ADCY9: variants seen among roughly 807,000 people sequenced by gnomAD.
ADCY9 encodes the protein adenylate cyclase type 9.
ADCY9 carries 50 observed loss-of-function variants against 101.5 expected under a neutral mutation model. That is an observed-to-expected ratio of 0.49 (90% CI 0.39 to 0.62). The LOEUF is 0.62. ADCY9 is among the 20% of genes least tolerant of loss of function. The probability of loss-of-function intolerance (pLI) is 0.00; values close to 1 mark genes in which losing one functional copy is unlikely to be tolerated. For synonymous variants in ADCY9, 905 were observed against 769.3 expected (o/e 1.18, Z -2.92); for missense variants, 1,662 against 1,800.4 (o/e 0.92, Z 1.39).
chr16:4,093,865 A>G (rs891188872), intron 2 of ADCY9, among the ~76,000 whole-genome samples: 1 of 152,242 alleles, frequency 6.6e-6, no homozygotes, highest in Non-Finnish European at 1.5e-5. Context: ...TCCACACACC[A>G]TAGGCAGTGG....
downstream of ADCY9, among the ~76,000 whole-genome samples, chr16:3,959,106 A>C (rs1342406602): frequency 6.6e-6 from 1 of 152,112 alleles, no homozygotes; most frequent in Non-Finnish European, 1.5e-5. Flanking sequence ...CACATCTGTA[A>C]TCCCAGCACT....
rs370371319 is a variant in ADCY9 at position 4,047,932 on chromosome 16, C to CTGG, written c.1694-40377_1694-40375dup. On this transcript the variant is annotated intron_variant, in intron 2 of 10. Transcript: ENST00000294016. ...CCTTACCCAGGTAGCCACGAAGCAT[C>CTGG]TGGTGACTGAGGCCTGGGAGTGAGC... Among the ~76,000 whole-genome samples, 85 of 152,336 alleles carry CTGG rather than the reference C, an allele frequency of 5.6e-4. 1 individual carries two copies. Among genetic ancestry groups the CTGG allele is most frequent in the African/African-American group, 1.9e-3 (81 of 41,574 alleles).
At chr16:3,959,115 C>A (rs1395886233), downstream of ADCY9, among the ~76,000 whole-genome samples, 2 of 152,112 alleles carry the variant, frequency 1.3e-5, no homozygotes, top group Non-Finnish European at 2.9e-5. Flanking sequence ...AATCCCAGCA[C>A]TTTGGGAGGC....
rs1387907401 is a variant in ADCY9 at position 3,975,506 on chromosome 16, C to T, written c.2829-796G>A. Among the ~76,000 whole-genome samples, 5 of 152,176 alleles carry T rather than the reference C, an allele frequency of 3.3e-5. No individual in the cohort carries two copies. In the East Asian group the frequency reaches 9.6e-4, roughly 29 times the overall value. On this transcript the variant is annotated intron_variant, in intron 9 of 10. Coordinates refer to ENST00000294016, the MANE Select transcript of ADCY9 (RefSeq NM_001116.4). ...CCGTGCCTACTCCGTCTGATACTGA[C>T]AATACTGCGGCAAATAGAATCATTT...
At chr16:4,086,169 AT>A (rs149530679) in intron 2 of ADCY9, among the ~76,000 whole-genome samples, 2,805 of 151,980 alleles carry the variant, frequency 0.018, 112 homozygotes, top group African/African-American at 0.064. Context: ...GAGAAAAAAA[AT>A]CAAGTGCTGC....
chr16:3,996,403 T>G (rs1719484306), intron 3 of ADCY9, among the ~76,000 whole-genome samples: 1 of 152,154 alleles, frequency 6.6e-6, no homozygotes, highest in African/African-American at 2.4e-5. Flanking sequence ...TATTTGCCAA[T>G]GAGACCACTG....
chr16:4,081,510 C>T (rs916676918), intron 2 of ADCY9, among the ~76,000 whole-genome samples: 3 of 152,234 alleles, frequency 2.0e-5, no homozygotes, highest in African/African-American at 7.2e-5. Flanking sequence ...AGACTCTTAA[C>T]AGGTGACTAT....
intron 2 of ADCY9, among the ~76,000 whole-genome samples, chr16:4,097,655 T>C (rs574298418): frequency 6.7e-6 from 1 of 148,154 alleles, no homozygotes; most frequent in East Asian, 2.1e-4. Flanking sequence ...CAAGAGATTC[T>C]CCTGCCTCAG....
At chr16:3,967,047 G>C (rs2056005632) in intron 10 of ADCY9, 81 bp from the exon 11 acceptor site, 1 of 1,190,302 alleles carries the variant, frequency 8.4e-7, no homozygotes, top group African/African-American at 1.5e-5. Flanking sequence ...GCTACGCAAA[G>C]CTTTGTTGAG....
chr16:4,072,000 T>C lies in ADCY9; in HGVS notation c.1693+41750A>G, dbSNP rs374649026. 2.6e-5 allele frequency among the ~76,000 whole-genome samples: 4 copies of C among 152,260 alleles called. No individual in the cohort carries two copies. The East Asian group carries it at 5.8e-4, about 22-fold the overall frequency. ...TCTCTGTGTGCACAGAATTCTACTA[T>C]CCGAGTGATCGATGTTATATATCTC... On this transcript the variant is annotated intron_variant, in intron 2 of 10. Transcript: ENST00000294016.
intron 2 of ADCY9, among the ~76,000 whole-genome samples, chr16:4,043,270 G>A (rs529084671): frequency 1.2e-3 from 176 of 152,046 alleles, no homozygotes; most frequent in African/African-American, 4.2e-3. Context: ...TTCCCTGTGG[G>A]GTTGCTTTAA....
At chr16:3,970,591 G>A (rs2056042487) in intron 10 of ADCY9, among the ~76,000 whole-genome samples, 1 of 152,198 alleles carries the variant, frequency 6.6e-6, no homozygotes, top group South Asian at 2.1e-4. Flanking sequence ...GCCTCCCAAA[G>A]TGCTGGGATT....
chr16:3,992,268 G>T lies in ADCY9; in HGVS notation c.2085C>A (p.Ile695=). Residue 695 remains isoleucine (I), a synonymous_variant, in exon 5 of 11, where the codon ATC becomes ATA. Coordinates refer to ENST00000294016, the MANE Select transcript of ADCY9 (RefSeq NM_001116.4). The surrounding 1 kb of genome is among the most constrained non-coding windows in gnomAD (Gnocchi z 4.2). The part of the protein sequence containing the change: ...LTNSQTSLCE[I]LQEKGRWAGV... ...CTGCCCACCTTCCCTTCTCCTGCAA[G>T]ATCTCACACAGAGAAGTCTGACTGT... The T allele has an allele frequency of 2.5e-6, 4 of 1,614,192 alleles. No individual in the cohort carries two copies. Among genetic ancestry groups the T allele is most frequent in the Non-Finnish European group, 3.4e-6 (4 of 1,180,036 alleles).
chr16:4,090,912 C>T (rs113972726), intron 2 of ADCY9, among the ~76,000 whole-genome samples: 2 of 151,566 alleles, frequency 1.3e-5, no homozygotes, highest in Admixed American at 1.3e-4. Context: ...AAAACTATTC[C>T]GAATGGTAGT....
Position 4,048,435 on chromosome 16 carries a change from C to G in ADCY9, c.1694-40877G>C, listed in dbSNP as rs576316259. 7.2e-5 allele frequency among the ~76,000 whole-genome samples: 11 copies of G among 152,292 alleles called. No homozygotes were observed. In the South Asian group the frequency reaches 2.3e-3, roughly 32 times the overall value. The stretch of plus-strand genomic sequence containing the variant: ...TCTCCCCCTTCTGTGGTTTATATAA[C>G]TTCTCTTTGTTCCGCAAATGGCAGT... On this transcript the variant is annotated intron_variant, in intron 2 of 10. Coordinates refer to ENST00000294016, the MANE Select transcript of ADCY9 (RefSeq NM_001116.4).
intron 7 of ADCY9, among the ~76,000 whole-genome samples, chr16:3,980,768 C>A (rs2056134719): frequency 6.6e-6 from 1 of 152,174 alleles, no homozygotes; most frequent in Non-Finnish European, 1.5e-5. Flanking sequence ...CACAAATATG[C>A]AGAATACAGA....
intron 7 of ADCY9, among the ~76,000 whole-genome samples, chr16:3,980,780 G>A (rs548853729): frequency 1.1e-4 from 16 of 152,320 alleles, no homozygotes; most frequent in African/African-American, 3.8e-4. Flanking sequence ...GAATACAGAG[G>A]CCCTAGGAGG....
chr16:4,087,904 CCTTT>C lies in ADCY9; in HGVS notation c.1693+25842_1693+25845del, dbSNP rs1234410811. On this transcript the variant is annotated intron_variant, in intron 2 of 10. Coordinates refer to ENST00000294016, the MANE Select transcript of ADCY9 (RefSeq NM_001116.4). Reference sequence around the variant, plus strand: ...CTCTCGCTCTCTCCCTCTCTTTCTCCCTTTCTTTCGTTTCTTTCTTCCTTTCTTC... The same window carrying C: ...CTCTCGCTCTCTCCCTCTCTTTCTCCCTTTCGTTTCTTTCTTCCTTTCTTC... Among the ~76,000 whole-genome samples the C allele has an allele frequency of 4.7e-5, 7 of 148,548 alleles. No individual in the cohort carries two copies. In the South Asian group the frequency reaches 6.4e-4, roughly 14 times the overall value.
chr16:3,987,444 G>A (rs1287597242), intron 6 of ADCY9, among the ~76,000 whole-genome samples: 2 of 152,244 alleles, frequency 1.3e-5, no homozygotes, highest in Admixed American at 1.3e-4. Context: ...TCCGACCCCG[G>A]CTATGGGACC....
Sources: gnomAD v4.1 joint callset for allele counts (sites outside exome capture counted in the v4.1 genomes callset) on GRCh38, gnomAD v4.1.1 for gene constraint, Gnocchi (gnomAD v3.1) non-coding constraint, MANE v1.5 for transcripts, NCBI Gene and HGNC (gene_info 2026-07-23, HGNC 2026-07-21) for gene names.